Variants in SETD3 observed in about 807,000 individuals in gnomAD.
SETD3 encodes the protein SET domain containing 3, actin N3(tau)-histidine methyltransferase.
In SETD3, 19 loss-of-function variants were observed where a neutral mutation model predicts 63.0. The ratio of observed to expected loss-of-function variants is 0.30; its 90% CI spans 0.21 to 0.44. The LOEUF is 0.44. Among genes scored for constraint, SETD3 ranks in the 20% least tolerant of loss-of-function variants. SETD3 has a pLI of 1.00. For missense variants in SETD3, 587 were observed against 728.5 expected (o/e 0.81, Z 2.24); for synonymous variants, 286 against 264.1 (o/e 1.08, Z -0.80).
intron 6 of SETD3, among the ~76,000 whole-genome samples, chr14:99,416,103 C>T (rs1892277057): frequency 1.3e-5 from 2 of 151,870 alleles, no homozygotes; most frequent in Admixed American, 1.3e-4. Context: ...ATTCAAATAT[C>T]AAAAATATTC....
chr14:99,410,158 T>G (rs1432815478), intron 8 of SETD3: 1 of 1,599,826 alleles, frequency 6.3e-7, no homozygotes, highest in Non-Finnish European at 8.6e-7. Flanking sequence ...CGTAAGTGCC[T>G]AAGGAATGGA....
upstream of SETD3, chr14:99,481,191 GC>G (rs111344992): frequency 2.6e-6 from 1 of 386,194 alleles, no homozygotes; most frequent in Non-Finnish European, 4.6e-6. Flanking sequence ...ATGCCTTTTC[GC>G]CCCGAGGGGC....
At chr14:99,426,047 C>G (rs1240887099) in intron 6 of SETD3, among the ~76,000 whole-genome samples, 2 of 152,046 alleles carry the variant, frequency 1.3e-5, no homozygotes, top group African/African-American at 4.8e-5. Flanking sequence ...ACAGTTCAAA[C>G]CCTCCTCCCC....
At chr14:99,404,520 A>G (rs541310215) in intron 10 of SETD3, among the ~76,000 whole-genome samples, 68 of 152,348 alleles carry the variant, frequency 4.5e-4, no homozygotes, top group African/African-American at 1.6e-3. Context: ...GACATCCAGA[A>G]TTGGAGACCA....
chr14:99,450,175 C>T (rs925666341), intron 6 of SETD3, among the ~76,000 whole-genome samples: 2 of 152,206 alleles, frequency 1.3e-5, no homozygotes, highest in African/African-American at 2.4e-5. Context: ...TGCTACTGAG[C>T]GTCTAAACCC....
chr14:99,470,955 C>T (rs1895668357), intron 1 of SETD3, among the ~76,000 whole-genome samples: 1 of 152,192 alleles, frequency 6.6e-6, no homozygotes, highest in African/African-American at 2.4e-5. Flanking sequence ...ACACACTCTT[C>T]GCTCTGTTAC....
chr14:99,465,852 A>T (rs1179323584), intron 1 of SETD3, 39 bp from the exon 2 acceptor site: 1 of 1,376,400 alleles, frequency 7.3e-7, no homozygotes, highest in South Asian at 1.2e-5. Flanking sequence ...AAATTACATT[A>T]CCAAAGAACA....
chr14:99,430,828 T>C (rs1663520444), intron 6 of SETD3, among the ~76,000 whole-genome samples: 1 of 152,168 alleles, frequency 6.6e-6, no homozygotes, highest in Non-Finnish European at 1.5e-5. Context: ...GGACTAAATA[T>C]TCCAGGACAA....
Position 99,464,691 on chromosome 14 carries a change from C to A in SETD3, c.103+1012G>T, listed in dbSNP as rs1397809372. ...TAATCTAAACATGGACAAAGGGCAA[C>A]GGAGTGACCACAGCTACAGCCAAGG... On this transcript the variant is annotated intron_variant, in intron 2 of 12. Coordinates refer to ENST00000331768, the MANE Select transcript of SETD3 (RefSeq NM_032233.3). Among the ~76,000 whole-genome samples the A allele has an allele frequency of 5.3e-5, 8 of 152,336 alleles. No individual in the cohort carries two copies. The South Asian group carries it at 1.7e-3, about 32-fold the overall frequency.
At chr14:99,463,073 T>C (rs1385911506) in intron 3 of SETD3, among the ~76,000 whole-genome samples, 1 of 152,222 alleles carries the variant, frequency 6.6e-6, no homozygotes. Flanking sequence ...ACACCTCTTA[T>C]TTAACTGAGA....
chr14:99,405,181 G>C (rs1269330747), intron 10 of SETD3, 24 bp downstream of exon 10: 1 of 1,602,802 alleles, frequency 6.2e-7, no homozygotes. Flanking sequence ...GCAAGAAAGG[G>C]CCAACCGATG....
At position 99,399,030 on chromosome 14, in the gene SETD3, T is replaced by C. The variant is rs1241446870; in HGVS notation, c.1434A>G (p.Ala478=). The stretch of plus-strand genomic sequence containing the variant: ...CCCGGTTGACAGCTGCACTCTTTAC[T>C]GCTTTTTCCAAAATCTCTTTCTCAC... The part of the protein sequence containing the change: ...RLGEKEILEK[A]VKSAAVNREY... Residue 478 remains alanine (A), a synonymous_variant, in exon 13 of 13, where the codon GCA becomes GCG. Coordinates refer to ENST00000331768, the MANE Select transcript of SETD3 (RefSeq NM_032233.3). The C allele has an allele frequency of 3.7e-5, 60 of 1,614,128 alleles. No homozygotes were observed. Among genetic ancestry groups the C allele is most frequent in the Non-Finnish European group, 5.1e-5 (60 of 1,180,054 alleles).
At chr14:99,486,047 C>T in the SETD3 span, among the ~76,000 whole-genome samples, 4 of 152,134 alleles carry the variant, frequency 2.6e-5, no homozygotes, top group East Asian at 1.9e-4. Flanking sequence ...ACAAATCAGT[C>T]GTTTTTAGTA....
At chr14:99,473,561 G>A (rs1031066099) in intron 1 of SETD3, among the ~76,000 whole-genome samples, 40 of 152,116 alleles carry the variant, frequency 2.6e-4, no homozygotes, top group Non-Finnish European at 2.2e-4. Context: ...GTTTTTCAAT[G>A]TATCCTGCAT....
intron 4 of SETD3, among the ~76,000 whole-genome samples, chr14:99,460,972 A>G (rs1322732638): frequency 6.6e-6 from 1 of 152,196 alleles, no homozygotes; most frequent in African/African-American, 2.4e-5. Flanking sequence ...ATGTGAACTG[A>G]CTTGCCCCAG....
chr14:99,440,960 A>AAG lies in SETD3; in HGVS notation c.675+17317_675+17318dup, dbSNP rs1893774551. On this transcript the variant is annotated intron_variant, in intron 6 of 12. Coordinates refer to ENST00000331768, the MANE Select transcript of SETD3 (RefSeq NM_032233.3). ...TGTGAATTTCACTTCTCAGAAGACA[A>AAG]AGAAAGGACAGGAACGCTGATGCTC... 4.6e-5 allele frequency among the ~76,000 whole-genome samples: 7 copies of AAG among 152,238 alleles called. No homozygotes were observed. The South Asian group carries it at 1.4e-3, about 32-fold the overall frequency.
At chr14:99,480,317 G>T (rs1309453819) in intron 1 of SETD3, among the ~76,000 whole-genome samples, 2 of 152,020 alleles carry the variant, frequency 1.3e-5, no homozygotes, top group African/African-American at 2.4e-5. Flanking sequence ...AGGGGCCCGG[G>T]CCCCACCCGA....
intron 6 of SETD3, among the ~76,000 whole-genome samples, chr14:99,419,934 G>T (rs1187288285): frequency 2.0e-5 from 3 of 152,142 alleles, no homozygotes; most frequent in Non-Finnish European, 4.4e-5. Flanking sequence ...GATGAAGATA[G>T]GTTAAGACTA....
At chr14:99,481,440 C>T (rs149437057), upstream of SETD3, 533 of 398,712 alleles carry the variant, frequency 1.3e-3, 7 homozygotes, top group East Asian at 0.018. Flanking sequence ...CCGCAGTCGG[C>T]AAGGAGAGAC....
Sources: allele counts gnomAD v4.1 joint callset (sites outside exome capture counted in the v4.1 genomes callset), GRCh38; gene constraint gnomAD v4.1.1; transcripts MANE v1.5; gene names NCBI Gene and HGNC (gene_info 2026-07-23, HGNC 2026-07-21).